The following NEIL3 variants were observed in gnomAD, a reference collection of about 807,000 sequenced individuals.
NEIL3 encodes the protein endonuclease 8-like 3.
A neutral mutation model predicts 57.5 loss-of-function variants in NEIL3; 48 were observed. That is an observed-to-expected ratio of 0.83 (90% CI 0.66 to 1.06). NEIL3 has a LOEUF of 1.06. Among genes scored for constraint, NEIL3 ranks in the 50% least tolerant of loss-of-function variants. The pLI is 0.00. For synonymous variants in NEIL3, 261 were observed against 253.2 expected, an observed-to-expected ratio of 1.03 and a Z score of -0.29; for missense variants, 717 against 739.1, an observed-to-expected ratio of 0.97 and a Z score of 0.35.
At chr4:177,328,863 CA>C (rs1734828877) in intron 2 of NEIL3, among the ~76,000 whole-genome samples, 1 of 152,016 alleles carries the variant, frequency 6.6e-6, no homozygotes, top group Admixed American at 6.6e-5. Context: ...AAATGCATTG[CA>C]ACAATAGTAC....
At chr4:177,329,375 G>A (rs1734839462) in intron 2 of NEIL3, among the ~76,000 whole-genome samples, 1 of 151,934 alleles carries the variant, frequency 6.6e-6, no homozygotes, top group Non-Finnish European at 1.5e-5. Flanking sequence ...AAAATATAAT[G>A]ATGCAGGTTA....
intron 2 of NEIL3, among the ~76,000 whole-genome samples, chr4:177,331,457 TATATA>T (rs771374575): frequency 6.6e-6 from 1 of 151,802 alleles, no homozygotes; most frequent in African/African-American, 2.4e-5. Context: ...TAATAACTAA[TATATA>T]ATATAAAATT....
chr4:177,364,803 C>G (rs984745760), downstream of NEIL3, among the ~76,000 whole-genome samples: 1 of 151,990 alleles, frequency 6.6e-6, no homozygotes, highest in Non-Finnish European at 1.5e-5. Context: ...TGGCTCACAC[C>G]TGTAGTCCCA....
chr4:177,369,764 T>G, the NEIL3 span, among the ~76,000 whole-genome samples: 1 of 152,146 alleles, frequency 6.6e-6, no homozygotes, highest in African/African-American at 2.4e-5. Context: ...TTTTGGCTAG[T>G]GTGTGCTAGG....
At chr4:177,336,396 T>C in intron 4 of NEIL3, 75 bp downstream of exon 4, 1 of 1,119,072 alleles carries the variant, frequency 8.9e-7, no homozygotes, top group Non-Finnish European at 1.3e-6. Flanking sequence ...AAGCCTTAAC[T>C]CTGCATTTCA....
At chr4:177,357,142 TTTTG>T (rs1735489182) in intron 8 of NEIL3, 1 of 152,220 alleles carries the variant, frequency 6.6e-6, no homozygotes, top group South Asian at 2.1e-4. Flanking sequence ...GTCATTTCAC[TTTTG>T]TTTGTTTTAA....
chr4:177,337,741 G>A lies in NEIL3; in HGVS notation c.627+1420G>A, dbSNP rs572830014. On this transcript the variant is annotated intron_variant, in intron 4 of 9. Transcript: ENST00000264596. Reference sequence around the variant, plus strand: ...TGGCCAGGCACGGTGGTTCATGCCTGTAATCCCAGCACTTTGGGAGGCTGA... The same window carrying A: ...TGGCCAGGCACGGTGGTTCATGCCTATAATCCCAGCACTTTGGGAGGCTGA... Among the ~76,000 whole-genome samples the A allele has an allele frequency of 7.2e-5, 11 of 152,272 alleles. 1 individual carries two copies. The South Asian group carries it at 8.3e-4, about 11-fold the overall frequency.
At chr4:177,335,571 G>A (rs1200435540) in intron 2 of NEIL3, 117 bp from the exon 3 acceptor site, 3 of 840,544 alleles carry the variant, frequency 3.6e-6, no homozygotes, top group Admixed American at 2.4e-5. Context: ...CTTTAAAAGT[G>A]TCTATCCTGA....
At chr4:177,318,658 C>G (rs972521454) in intron 1 of NEIL3, among the ~76,000 whole-genome samples, 3 of 152,180 alleles carry the variant, frequency 2.0e-5, no homozygotes, top group Non-Finnish European at 2.9e-5. Context: ...TTAAAACTTG[C>G]CCAAATTTCA....
At chr4:177,336,889 A>T (rs1057418030) in intron 4 of NEIL3, among the ~76,000 whole-genome samples, 1 of 152,182 alleles carries the variant, frequency 6.6e-6, no homozygotes, top group Non-Finnish European at 1.5e-5. Context: ...GTGGAAGGAT[A>T]GCAATGGAAG....
At chr4:177,367,822 C>A (rs1735710633), downstream of NEIL3, among the ~76,000 whole-genome samples, 2 of 152,210 alleles carry the variant, frequency 1.3e-5, no homozygotes, top group African/African-American at 4.8e-5. Flanking sequence ...GTTTATTGAA[C>A]CTTTCTTTGC....
chr4:177,310,068 G>GCA lies in NEIL3; in HGVS notation c.116_117insAC (p.Leu40ProfsTer18). ...CGCTCTGCGGAGTCTGCAGGGCCGC[G>GCA]CCTTGCGGCTCGCAGCCTCCACGGT... On this transcript the variant is annotated frameshift_variant, in exon 1 of 10. Transcript: ENST00000264596. LOFTEE classifies it high-confidence loss of function. The GCA allele has an allele frequency of 6.3e-7, 1 of 1,599,530 alleles. No homozygotes were observed. The highest frequency in any genetic ancestry group is 2.3e-5 in the East Asian group (1 of 43,828).
intron 8 of NEIL3, 95 bp from the exon 9 acceptor site, chr4:177,360,408 T>C (rs768537989): frequency 1.4e-5 from 11 of 800,796 alleles, no homozygotes; most frequent in Non-Finnish European, 2.1e-5. Flanking sequence ...TAGAATTTCT[T>C]GGTACAAGTG....
In NEIL3 at chr4:177,353,444, G is replaced by T; in HGVS notation, c.1176G>T (p.Leu392Phe). ...KTAFGTTTLV[L>F]TDFSNKSSTL... Reference sequence around the variant, plus strand: ...CATTTGGAACTACAACTCTTGTCTTGACTGATTTTAGCAATAAATCCAGTA... The same window carrying T: ...CATTTGGAACTACAACTCTTGTCTTTACTGATTTTAGCAATAAATCCAGTA... Residue 392 changes from leucine to phenylalanine, a missense_variant, in exon 8 of 10, where the codon TTG (leucine) becomes TTT (phenylalanine). By Grantham distance (22) the Leu-to-Phe change is conservative (BLOSUM62 0). Transcript: ENST00000264596. 6.2e-7 allele frequency: 1 copy of T among 1,613,812 alleles called. No homozygotes were observed. Among genetic ancestry groups the T allele is most frequent in the South Asian group, 1.1e-5 (1 of 91,052 alleles).
the NEIL3 span, among the ~76,000 whole-genome samples, chr4:177,370,061 G>GT: frequency 7.9e-5 from 12 of 152,292 alleles, no homozygotes; most frequent in South Asian, 2.5e-3. Flanking sequence ...TGCAAAAGCT[G>GT]TTTTTGTTTA....
At chr4:177,325,936 A>G (rs1734771655) in intron 2 of NEIL3, among the ~76,000 whole-genome samples, 1 of 152,022 alleles carries the variant, frequency 6.6e-6, no homozygotes, top group African/African-American at 2.4e-5. Flanking sequence ...TATATTCTAG[A>G]TGTCAGTCAT....
chr4:177,320,761 C>T (rs1427121231), intron 1 of NEIL3, among the ~76,000 whole-genome samples: 3 of 151,854 alleles, frequency 2.0e-5, no homozygotes, highest in African/African-American at 7.3e-5. Flanking sequence ...GCCACCGCGC[C>T]GGGCCTGCTG....
intron 8 of NEIL3, among the ~76,000 whole-genome samples, chr4:177,355,304 A>G (rs1282994223): frequency 1.3e-5 from 2 of 152,144 alleles, no homozygotes; most frequent in Admixed American, 6.5e-5. Flanking sequence ...TCCTCAAGGG[A>G]TTTGTTCCAG....
intron 8 of NEIL3, 86 bp from the exon 9 acceptor site, chr4:177,360,416 GT>G (rs1476703095): frequency 2.2e-6 from 2 of 906,324 alleles, no homozygotes; most frequent in African/African-American, 3.3e-5. Flanking sequence ...CTTGGTACAA[GT>G]GAAATTCTGA....
Sources: allele counts gnomAD v4.1 joint callset (sites outside exome capture counted in the v4.1 genomes callset), GRCh38; gene constraint gnomAD v4.1.1; transcripts MANE v1.5; gene names NCBI Gene and HGNC (gene_info 2026-07-23, HGNC 2026-07-21).